Variants in GREB1 observed in about 807,000 individuals in gnomAD.
GREB1 encodes growth regulating estrogen receptor binding 1.
A neutral mutation model predicts 200.7 loss-of-function variants in GREB1; 106 were observed. The ratio of observed to expected loss-of-function variants is 0.53; its 90% CI spans 0.45 to 0.62. The LOEUF (loss-of-function observed/expected upper bound fraction) is 0.62, where lower values mean the gene tolerates loss of function less well. GREB1 is among the 20% of genes least tolerant of loss of function. The pLI, the probability that GREB1 is intolerant of heterozygous loss-of-function variation, is 0.00. For missense variants in GREB1, 2,243 were observed against 2,556.8 expected, an observed-to-expected ratio of 0.88 and a Z score of 2.65; for synonymous variants, 1,132 against 1,092.4, an observed-to-expected ratio of 1.04 and a Z score of -0.72.
chr2:11,533,364 A>G (rs1324608946), upstream of GREB1, among the ~76,000 whole-genome samples: 1 of 152,214 alleles, frequency 6.6e-6, no homozygotes, highest in Admixed American at 6.5e-5. Context: ...ACATTATCTC[A>G]TTTAATCCTC....
rs374177379 is a variant in GREB1, at chr2:11,578,319, C to T, written c.660C>T (p.Pro220=). The change falls in exon 6 of 33, where the codon CCC becomes CCT. Residue 220 remains proline (P), a synonymous_variant. Coordinates refer to ENST00000381486, the MANE Select transcript of GREB1 (RefSeq NM_014668.4). The stretch of plus-strand genomic sequence containing the variant: ...TAGAGTTTAGAAGCCGGCAGATCCC[C>T]GCCAGTACTTGTTCCAGTTCCCTCT... ...KGSEFRSRQI[P]ASTCSSSLFP... is the part of the protein sequence containing the mutation. The T allele has an allele frequency of 8.1e-6, 13 of 1,614,004 alleles. No individual in the cohort carries two copies. The highest frequency in any genetic ancestry group is 3.3e-5 in the Admixed American group (2 of 60,030).
intron 1 of GREB1, among the ~76,000 whole-genome samples, chr2:11,488,338 G>A (rs1021389578): frequency 7.9e-5 from 12 of 152,130 alleles, no homozygotes; most frequent in African/African-American, 2.2e-4. Flanking sequence ...CAACAGAGAC[G>A]AAACCTCCTG....
At chr2:11,582,323 G>A (rs1246681510) in intron 7 of GREB1, among the ~76,000 whole-genome samples, 1 of 152,184 alleles carries the variant, frequency 6.6e-6, no homozygotes, top group African/African-American at 2.4e-5. Flanking sequence ...CCTCCAAATT[G>A]CCTAGGGGAA....
intron 4 of GREB1, among the ~76,000 whole-genome samples, chr2:11,567,882 C>G (rs1326336845): frequency 6.6e-6 from 1 of 152,160 alleles, no homozygotes; most frequent in African/African-American, 2.4e-5. Context: ...TGTGTATCCC[C>G]CTGGGCTTCT....
chr2:11,632,840 G>A (rs553279717), intron 27 of GREB1, 49 bp from the exon 28 acceptor site: 5 of 1,551,488 alleles, frequency 3.2e-6, no homozygotes, highest in East Asian at 2.3e-5. Flanking sequence ...TGTCTGCTGT[G>A]GGTGTGGGTG....
In GREB1 at chr2:11,618,877, C is replaced by T. The variant is rs759162087; in HGVS notation, c.4002C>T (p.Asp1334=). ...GCAACCGGGCCGAGGGCCGCGTGGA[C>T]GGCTTCCACCCCCGCAGGCTGCTGC... is the stretch of plus-strand genomic sequence containing the variant. ...DYGNRAEGRV[D]GFHPRRLLLS... is the part of the protein sequence containing the mutation. The change falls in exon 22 of 33, where the codon GAC becomes GAT. Residue 1334 remains aspartate (D), a synonymous_variant. Coordinates refer to ENST00000381486, the MANE Select transcript of GREB1 (RefSeq NM_014668.4). 1.4e-5 allele frequency: 22 copies of T among 1,567,372 alleles called. No homozygotes were observed. Among genetic ancestry groups the T allele is most frequent in the Middle Eastern group, 1.7e-4 (1 of 5,926 alleles).
At chr2:11,605,733 T>C (rs1000964884) in intron 17 of GREB1, among the ~76,000 whole-genome samples, 4 of 152,234 alleles carry the variant, frequency 2.6e-5, no homozygotes, top group Non-Finnish European at 4.4e-5. Context: ...TTTCACTCTG[T>C]ATAATTATAT....
Position 11,640,633 on chromosome 2 carries a change from C to T in GREB1, c.*179C>T. ...GCCGTGGTCCTGGGAGCCAGGAAGACTCCGCAGTGGGTGAGAATGAAAACT... is the reference window on the plus strand; with the variant it reads ...GCCGTGGTCCTGGGAGCCAGGAAGATTCCGCAGTGGGTGAGAATGAAAACT... On this transcript the variant is annotated 3_prime_UTR_variant, in exon 33 of 33. Transcript: ENST00000381486. This position sits in a 1 kb window ranked among gnomAD's most constrained non-coding sequence, Gnocchi z 4.6. 3.1e-6 allele frequency: 2 copies of T among 640,346 alleles called. No homozygotes were observed. The highest frequency in any genetic ancestry group is 5.3e-6 in the Non-Finnish European group (2 of 379,384). 39.7% of individuals were successfully genotyped at this position (640,346 alleles called of 1,614,324 possible). A position where few individuals can be genotyped will look rare whatever the true frequency, so the allele number is the denominator to read the frequency against.
chr2:11,527,704 T>C (rs1049204208), intron 1 of GREB1, among the ~76,000 whole-genome samples: 1 of 152,164 alleles, frequency 6.6e-6, no homozygotes, highest in African/African-American at 2.4e-5. Context: ...ATAGATTCTA[T>C]AGTAAAACAG....
chr2:11,535,909 T>C (rs1037494310), intron 1 of GREB1, among the ~76,000 whole-genome samples: 4 of 152,208 alleles, frequency 2.6e-5, no homozygotes, highest in Non-Finnish European at 5.9e-5. Context: ...CTTGCTGCCC[T>C]GAACTCTTTT....
chr2:11,607,458 G>GTA (rs1308601031), intron 17 of GREB1, among the ~76,000 whole-genome samples: 2 of 44,356 alleles, frequency 4.5e-5, no homozygotes, highest in Non-Finnish European at 1.5e-4. Context: ...GTGTGTGTGT[G>GTA]TGTATATATA....
intron 10 of GREB1, among the ~76,000 whole-genome samples, chr2:11,589,617 T>C (rs1397557537): frequency 6.6e-6 from 1 of 152,206 alleles, no homozygotes; most frequent in African/African-American, 2.4e-5. Context: ...GGTGATCTGA[T>C]TTTCACTTTA....
rs13383579 is a variant in GREB1 at position 11,566,604 on chromosome 2, C to T, written c.402C>T (p.Cys134=). ...SPSLPDHLLV[C]AVDKRFLPDD... ...GCCTGCCGGACCATCTCCTGGTGTG[C>T]GCCGTTGACAAGAGGTTCTTGCCAG... The change falls in exon 4 of 33, where the codon TGC becomes TGT. Residue 134 remains cysteine, a synonymous_variant. Transcript: ENST00000381486. The T allele has an allele frequency of 0.011, 17,670 of 1,613,962 alleles. 1,036 individuals are homozygous for T. In the African/African-American group the frequency reaches 0.16, roughly 14 times the overall value.
intron 30 of GREB1, among the ~76,000 whole-genome samples, chr2:11,635,751 T>C (rs1213275389): frequency 1.3e-5 from 2 of 152,188 alleles, no homozygotes; most frequent in African/African-American, 4.8e-5. Flanking sequence ...ACTATTTGAA[T>C]GGCTCTGCAG....
At position 11,642,748 on chromosome 2, in the gene GREB1, T is replaced by TAA. The variant is rs1685884806; in HGVS notation, c.*2294_*2295insAA. 2 of 152,236 alleles carry TAA rather than the reference T, an allele frequency of 1.3e-5. No individual in the cohort carries two copies. Among genetic ancestry groups the TAA allele is most frequent in the Non-Finnish European group, 2.9e-5 (2 of 68,040 alleles). The allele number at this position is 152,236 out of a possible 1,614,324, so 9.4% of individuals were successfully genotyped here. ...GAAAAAACCCTCAAACTAATATTCT[T>TAA]GTCTGTTCCAGTCTTATAAATAAAA... On this transcript the variant is annotated 3_prime_UTR_variant, in exon 33 of 33. Coordinates refer to ENST00000381486, the MANE Select transcript of GREB1 (RefSeq NM_014668.4).
At chr2:11,500,416 C>T (rs1014694390) in intron 1 of GREB1, among the ~76,000 whole-genome samples, 1 of 152,096 alleles carries the variant, frequency 6.6e-6, no homozygotes, top group Non-Finnish European at 1.5e-5. Flanking sequence ...GCCTCGGACT[C>T]CCAAAGTGCT....
chr2:11,527,506 G>C (rs2148483880), intron 1 of GREB1, among the ~76,000 whole-genome samples: 1 of 152,330 alleles, frequency 6.6e-6, no homozygotes, highest in South Asian at 2.1e-4. Flanking sequence ...GGACCGAGCT[G>C]CTCAGCCTAA....
chr2:11,557,081 A>C (rs1676499033), intron 2 of GREB1, among the ~76,000 whole-genome samples: 1 of 152,214 alleles, frequency 6.6e-6, no homozygotes, highest in Admixed American at 6.5e-5. Flanking sequence ...AAAAGCAAGG[A>C]ATTTTAACAT....
At position 11,618,898 on chromosome 2, in the gene GREB1, G is replaced by A. The variant is rs1316216161; in HGVS notation, c.4023G>A (p.Leu1341=). The change falls in exon 22 of 33, where the codon CTG becomes CTA. Residue 1341 remains leucine, a synonymous_variant. Transcript: ENST00000381486. ...TGGACGGCTTCCACCCCCGCAGGCT[G>A]CTGCTCAGCGGCCCCCCTCAGGTGA... ...GRVDGFHPRR[L]LLSGPPQIGK... The A allele has an allele frequency of 2.0e-6, 3 of 1,537,056 alleles. No homozygotes were observed. Among genetic ancestry groups the A allele is most frequent in the Non-Finnish European group, 2.6e-6 (3 of 1,146,534 alleles).
Sources: gnomAD v4.1 joint callset for allele counts (sites outside exome capture counted in the v4.1 genomes callset) on GRCh38, gnomAD v4.1.1 for gene constraint, Gnocchi (gnomAD v3.1) non-coding constraint, MANE v1.5 for transcripts, NCBI Gene and HGNC (gene_info 2026-07-23, HGNC 2026-07-21) for gene names.